The following ROBO2 variants were observed in gnomAD, a reference collection of about 807,000 sequenced individuals.
ROBO2 encodes roundabout guidance receptor 2, also known as roundabout homolog 2.
ROBO2 carries 53 observed loss-of-function variants against 160.8 expected under a neutral mutation model. That is an observed-to-expected ratio of 0.33 (90% CI 0.26 to 0.41). ROBO2 has a LOEUF of 0.41. Among genes scored for constraint, ROBO2 ranks in the 10% least tolerant of loss-of-function variants. The probability of loss-of-function intolerance (pLI) is 1.00; values close to 1 mark genes in which losing one functional copy is unlikely to be tolerated. For missense variants in ROBO2, 1,577 were observed against 1,722.4 expected (o/e 0.92, Z 1.49); for synonymous variants, 664 against 611.7 (o/e 1.09, Z -1.26).
chr3:76,607,791 CT>C (rs1391393973), intron 2 of ROBO2, among the ~76,000 whole-genome samples: 3 of 152,212 alleles, frequency 2.0e-5, no homozygotes, highest in Non-Finnish European at 4.4e-5. Flanking sequence ...ATCTCCTTCT[CT>C]CTTATCACGT....
intron 2 of ROBO2, among the ~76,000 whole-genome samples, chr3:76,862,683 C>A (rs2070920603): frequency 3.3e-5 from 5 of 152,158 alleles, no homozygotes; most frequent in Admixed American, 2.6e-4. Context: ...TTATGACTTG[C>A]TTCCAGGGAG....
At chr3:76,922,846 T>C (rs1437329689) in intron 2 of ROBO2, among the ~76,000 whole-genome samples, 1 of 152,238 alleles carries the variant, frequency 6.6e-6, no homozygotes, top group East Asian at 1.9e-4. Flanking sequence ...TTAGAAGCCA[T>C]GTATTGTTCA....
intron 1 of ROBO2, among the ~76,000 whole-genome samples, chr3:77,056,246 A>G (rs1034179263): frequency 6.6e-6 from 1 of 152,154 alleles, no homozygotes; most frequent in Non-Finnish European, 1.5e-5. Context: ...TCTTTGATGA[A>G]GTCATCCTTT....
chr3:77,337,929 C>A (rs1371328103), intron 2 of ROBO2, among the ~76,000 whole-genome samples: 1 of 152,148 alleles, frequency 6.6e-6, no homozygotes, highest in Non-Finnish European at 1.5e-5. Flanking sequence ...ACCAGCATAA[C>A]CAAGTTTGTT....
intron 2 of ROBO2, among the ~76,000 whole-genome samples, chr3:77,383,921 T>C (rs540505685): frequency 6.6e-6 from 1 of 152,272 alleles, no homozygotes; most frequent in South Asian, 2.1e-4. Context: ...ATTAACTGTA[T>C]GTGTTTAAGG....
chr3:77,277,172 C>CTTTCTT (rs1206836222), intron 2 of ROBO2, among the ~76,000 whole-genome samples: 5 of 96,872 alleles, frequency 5.2e-5, no homozygotes, highest in South Asian at 7.6e-4. Context: ...TTCTTTCTTT[C>CTTTCTT]TTTCTTTCTT....
chr3:77,195,222 C>T (rs886690771), intron 2 of ROBO2, among the ~76,000 whole-genome samples: 2 of 151,962 alleles, frequency 1.3e-5, no homozygotes, highest in African/African-American at 4.8e-5. Context: ...GTCATTGCAT[C>T]TTTTTATATT....
intron 2 of ROBO2, among the ~76,000 whole-genome samples, chr3:77,388,611 T>C (rs1004196293): frequency 5.9e-5 from 9 of 152,228 alleles, no homozygotes; most frequent in African/African-American, 2.2e-4. Context: ...ATTTTTATTC[T>C]GTGTTGTATA....
chr3:76,648,069 T>C (rs2091067589), intron 2 of ROBO2, among the ~76,000 whole-genome samples: 1 of 152,068 alleles, frequency 6.6e-6, no homozygotes, highest in African/African-American at 2.4e-5. Flanking sequence ...TTATATTCTT[T>C]TTTTTAAAAT....
chr3:76,831,042 T>G (rs527508950), intron 2 of ROBO2, among the ~76,000 whole-genome samples: 10 of 152,252 alleles, frequency 6.6e-5, no homozygotes, highest in Admixed American at 4.6e-4. Flanking sequence ...ACATTACAAT[T>G]AGAATTGCTG....
intron 2 of ROBO2, among the ~76,000 whole-genome samples, chr3:76,143,187 C>G (rs2071751345): frequency 6.6e-6 from 1 of 151,878 alleles, no homozygotes; most frequent in Non-Finnish European, 1.5e-5. Context: ...CCACTATATT[C>G]AGATATTTAT....
intron 24 of ROBO2, among the ~76,000 whole-genome samples, 175 bp downstream of exon 26, chr3:77,643,118 G>T (rs1214658328): frequency 6.6e-6 from 1 of 152,172 alleles, no homozygotes; most frequent in East Asian, 1.9e-4. Flanking sequence ...TGATTCCAAC[G>T]GGCATTGCTC....
intron 13 of ROBO2, 113 bp from the exon 15 acceptor site, chr3:77,574,386 A>C (rs1481217136): frequency 1.2e-6 from 1 of 840,788 alleles, no homozygotes; most frequent in Non-Finnish European, 2.0e-6. Flanking sequence ...TCATGACATC[A>C]CTCAGTTGAT....
intron 2 of ROBO2, among the ~76,000 whole-genome samples, chr3:76,594,307 A>G (rs1169329758): frequency 6.6e-6 from 1 of 152,076 alleles, no homozygotes; most frequent in Non-Finnish European, 1.5e-5. Context: ...TGAATTTGAG[A>G]CAAATCACAG....
intron 2 of ROBO2, among the ~76,000 whole-genome samples, chr3:77,210,161 A>T (rs954307390): frequency 6.6e-6 from 1 of 151,490 alleles, no homozygotes; most frequent in Non-Finnish European, 1.5e-5. Flanking sequence ...CAAATATCTC[A>T]ATTTTCCTTC....
chr3:76,493,184 C>A (rs1560039518), intron 2 of ROBO2, among the ~76,000 whole-genome samples: 2 of 151,542 alleles, frequency 1.3e-5, no homozygotes, highest in African/African-American at 4.8e-5. Flanking sequence ...ACTTTCTTAG[C>A]CTCTTTTGTT....
At chr3:76,175,314 A>G (rs2073191414) in intron 2 of ROBO2, among the ~76,000 whole-genome samples, 1 of 151,866 alleles carries the variant, frequency 6.6e-6, no homozygotes. Context: ...CAAACAGATG[A>G]CATGATTGCA....
intron 2 of ROBO2, among the ~76,000 whole-genome samples, chr3:76,848,008 T>C (rs141815043): frequency 5.8e-4 from 89 of 152,244 alleles, no homozygotes; most frequent in African/African-American, 2.1e-3. Context: ...AAATGTTTAA[T>C]TGCAATAAAA....
At chr3:77,200,302 TA>T (rs2082754939) in intron 2 of ROBO2, among the ~76,000 whole-genome samples, 13 of 83,702 alleles carry the variant, frequency 1.6e-4, no homozygotes, top group East Asian at 1.3e-3. Context: ...TATATATATA[TA>T]TATATATATA....
Sources: gnomAD v4.1 joint callset for allele counts (sites outside exome capture counted in the v4.1 genomes callset) on GRCh38, gnomAD v4.1.1 for gene constraint, MANE v1.5 for transcripts, NCBI Gene and HGNC (gene_info 2026-07-23, HGNC 2026-07-21) for gene names.